The following LIMCH1 variants were observed in gnomAD, a reference collection of about 807,000 sequenced individuals.
LIMCH1 encodes the protein LIM and calponin homology domains-containing protein 1.
LIMCH1 carries 113 observed loss-of-function variants against 176.5 expected under a neutral mutation model. The ratio of observed to expected loss-of-function variants is 0.64; its 90% CI spans 0.55 to 0.75. The LOEUF is 0.75. LIMCH1 is among the 30% of genes least tolerant of loss of function. The pLI, the probability that LIMCH1 is intolerant of heterozygous loss-of-function variation, is 0.00. For synonymous variants in LIMCH1, 619 were observed against 645.9 expected, an observed-to-expected ratio of 0.96 and a Z score of 0.63; for missense variants, 1,674 against 1,814.9, an observed-to-expected ratio of 0.92 and a Z score of 1.41.
chr4:41,380,199 T>C (rs550255767), intron 1 of LIMCH1, among the ~76,000 whole-genome samples: 93 of 152,310 alleles, frequency 6.1e-4, no homozygotes, highest in African/African-American at 9.1e-4. Flanking sequence ...ATATAGGTAA[T>C]CACTGGTAAT....
intron 2 of LIMCH1, among the ~76,000 whole-genome samples, chr4:41,513,443 G>A (rs1375984390): frequency 6.6e-6 from 1 of 152,094 alleles, no homozygotes; most frequent in South Asian, 2.1e-4. Context: ...TGGCCATATT[G>A]TTTTCTCCTT....
intron 1 of LIMCH1, among the ~76,000 whole-genome samples, chr4:41,456,910 C>T (rs1050681718): frequency 2.6e-5 from 4 of 152,042 alleles, no homozygotes; most frequent in South Asian, 2.1e-4. Context: ...CCATGTGGCC[C>T]GGGCTCCCTC....
chr4:41,364,902 T>A (rs566387291), intron 1 of LIMCH1, among the ~76,000 whole-genome samples: 2 of 152,336 alleles, frequency 1.3e-5, no homozygotes, highest in South Asian at 4.1e-4. Context: ...TCCTTCTTTT[T>A]TTTTGGTGGT....
chr4:41,594,802 G>A (rs1042197845), intron 1 of LIMCH1, among the ~76,000 whole-genome samples: 4 of 152,158 alleles, frequency 2.6e-5, no homozygotes, highest in African/African-American at 9.7e-5. Context: ...AGATCTGTGT[G>A]TCTGGGATGC....
intron 6 of LIMCH1, chr4:41,620,182 C>T: frequency 2.2e-6 from 1 of 449,392 alleles, no homozygotes. Flanking sequence ...TTTACCTTTC[C>T]AGCAGAAAAG....
In LIMCH1 at chr4:41,451,491, T is replaced by C. The variant is rs184673920; in HGVS notation, c.97-43045T>C. Among the ~76,000 whole-genome samples, 563 of 152,276 alleles carry C rather than the reference T, an allele frequency of 3.7e-3. 1 individual carries two copies. The highest frequency in any genetic ancestry group is 6.8e-3 in the Middle Eastern group (2 of 294). ...CGAAAGAAGGCTCACAGATCCCCCGTCCTGCTATATTCTGTTGCATTTCCA... is the reference window on the plus strand; with the variant it reads ...CGAAAGAAGGCTCACAGATCCCCCGCCCTGCTATATTCTGTTGCATTTCCA... On this transcript the variant is annotated intron_variant, in intron 1 of 26. Coordinates refer to the LIMCH1 transcript ENST00000313860.
At chr4:41,442,480 T>C (rs1439020778) in intron 1 of LIMCH1, among the ~76,000 whole-genome samples, 1 of 152,214 alleles carries the variant, frequency 6.6e-6, no homozygotes, top group Non-Finnish European at 1.5e-5. Flanking sequence ...GGCTCAAATA[T>C]GTATTCATGG....
At chr4:41,649,562 T>A (rs2094204875) in intron 17 of LIMCH1, among the ~76,000 whole-genome samples, 1 of 152,212 alleles carries the variant, frequency 6.6e-6, no homozygotes, top group Non-Finnish European at 1.5e-5. Context: ...AAATTTTGCA[T>A]CAGAGCACAG....
At chr4:41,528,921 G>GA (rs1397387141) in intron 3 of LIMCH1, among the ~76,000 whole-genome samples, 5 of 152,184 alleles carry the variant, frequency 3.3e-5, no homozygotes, top group African/African-American at 1.2e-4. Flanking sequence ...CAAAGTAGTT[G>GA]AAAATCATTT....
intron 1 of LIMCH1, among the ~76,000 whole-genome samples, chr4:41,488,649 C>T (rs187440059): frequency 4.4e-4 from 67 of 151,966 alleles, no homozygotes; most frequent in Admixed American, 3.6e-3. Flanking sequence ...AACAAAAAGT[C>T]TTGTTTGATT....
At chr4:41,562,917 T>C (rs1283799601) in intron 1 of LIMCH1, among the ~76,000 whole-genome samples, 1 of 152,090 alleles carries the variant, frequency 6.6e-6, no homozygotes, top group African/African-American at 2.4e-5. Context: ...TCAGTGAGAG[T>C]ACACTGGGCA....
rs141055583 is a variant in LIMCH1 at position 41,432,608 on chromosome 4, G to A, written c.97-61928G>A. On this transcript the variant is annotated intron_variant, in intron 1 of 26. Transcript: ENST00000313860. Reference sequence around the variant, plus strand: ...TGGGTCTCTATCCTTGTTGGGAATAGCATCATTTGGGCAAAGCTTTGCCAT... The same window carrying A: ...TGGGTCTCTATCCTTGTTGGGAATAACATCATTTGGGCAAAGCTTTGCCAT... Among the ~76,000 whole-genome samples, 186 of 152,296 alleles carry A rather than the reference G, an allele frequency of 1.2e-3. 1 individual carries two copies. Among genetic ancestry groups the A allele is most frequent in the African/African-American group, 4.3e-3 (178 of 41,556 alleles).
At chr4:41,426,210 A>G (rs2061084211) in intron 1 of LIMCH1, among the ~76,000 whole-genome samples, 2 of 150,510 alleles carry the variant, frequency 1.3e-5, no homozygotes, top group South Asian at 4.2e-4. Context: ...TTTAGTAGAG[A>G]CGGGGTTTCA....
chr4:41,360,710 C>A (rs2051847750), upstream of LIMCH1: 1 of 523,134 alleles, frequency 1.9e-6, no homozygotes, highest in Non-Finnish European at 3.0e-6. This position sits in a 1 kb window ranked among gnomAD's most constrained non-coding sequence, Gnocchi z 4.5. Flanking sequence ...CCGGGACCTG[C>A]GCCGGCCGGG....
At chr4:41,467,842 C>G (rs79039992) in intron 1 of LIMCH1, among the ~76,000 whole-genome samples, 1 of 152,326 alleles carries the variant, frequency 6.6e-6, no homozygotes, top group East Asian at 1.9e-4. Context: ...CTTGTAGGTA[C>G]CCCTGAACTC....
chr4:41,643,974 G>A (rs1332216183), intron 14 of LIMCH1, among the ~76,000 whole-genome samples: 2 of 152,120 alleles, frequency 1.3e-5, no homozygotes. Context: ...AAGGCCAAAT[G>A]ATATTTTTTT....
intron 7 of LIMCH1, among the ~76,000 whole-genome samples, chr4:41,620,913 C>T (rs1291681043): frequency 6.6e-6 from 1 of 152,226 alleles, no homozygotes; most frequent in East Asian, 1.9e-4. Context: ...GTGAGCTCCT[C>T]ACTGCTGGGT....
At chr4:41,442,083 C>A (rs923659467) in intron 1 of LIMCH1, among the ~76,000 whole-genome samples, 1 of 151,888 alleles carries the variant, frequency 6.6e-6, no homozygotes, top group Non-Finnish European at 1.5e-5. Flanking sequence ...TTTGGGAGGC[C>A]GAGGTGGGCA....
chr4:41,424,031 C>G (rs1220295081), intron 1 of LIMCH1, among the ~76,000 whole-genome samples: 1 of 152,052 alleles, frequency 6.6e-6, no homozygotes, highest in Non-Finnish European at 1.5e-5. Flanking sequence ...GTGATTCCCT[C>G]CTTCCTGCCT....
Sources: gnomAD v4.1 joint callset for allele counts (sites outside exome capture counted in the v4.1 genomes callset) on GRCh38, gnomAD v4.1.1 for gene constraint, Gnocchi (gnomAD v3.1) non-coding constraint, MANE v1.5 for transcripts, NCBI Gene and HGNC (gene_info 2026-07-23, HGNC 2026-07-21) for gene names.